Variants in GABRG1 observed in about 807,000 individuals in gnomAD.
The protein encoded by GABRG1 is gamma-aminobutyric acid type A receptor subunit gamma1.
A neutral mutation model predicts 49.8 loss-of-function variants in GABRG1; 49 were observed. The ratio of observed to expected loss-of-function variants is 0.98; its 90% CI spans 0.78 to 1.25. The LOEUF (loss-of-function observed/expected upper bound fraction) is 1.25. GABRG1 is among the 50% of genes most tolerant of loss of function. The probability of loss-of-function intolerance (pLI) is 0.00; values close to 1 mark genes in which losing one functional copy is unlikely to be tolerated. For missense variants in GABRG1, 552 were observed against 552.3 expected (o/e 1.00, Z 0.01); for synonymous variants, 232 against 185.1 (o/e 1.25, Z -2.06).
At chr4:46,097,456 C>A in intron 1 of GABRG1, 107 bp from the exon 2 acceptor site, 4 of 1,075,298 alleles carry the variant, frequency 3.7e-6, no homozygotes, top group Admixed American at 5.5e-5. Context: ...TAATGGCAGA[C>A]AAAAAGGTAT....
rs1717742827 is a variant in GABRG1 at position 46,040,851 on chromosome 4, TAA to T, written c.*135_*136del. The T allele has an allele frequency of 1.1e-6, 1 of 934,112 alleles. No homozygotes were observed. Among genetic ancestry groups the T allele is most frequent in the Non-Finnish European group, 1.6e-6 (1 of 633,568 alleles). 57.9% of individuals were successfully genotyped at this position (934,112 alleles called of 1,614,324 possible). A position where few individuals can be genotyped will look rare whatever the true frequency, so the allele number is the denominator to read the frequency against. On this transcript the variant is annotated 3_prime_UTR_variant, in exon 9 of 9. Transcript: ENST00000295452. ...CTACTTTATTTACTTCTGAAGGCCT[TAA>T]AATAGTTACAATACTATTCACATTT...
chr4:46,096,699 G>A (rs982910731), intron 2 of GABRG1, among the ~76,000 whole-genome samples: 2 of 151,064 alleles, frequency 1.3e-5, no homozygotes, highest in African/African-American at 2.4e-5. Context: ...ACCAAAAAAA[G>A]TGTCCTTAAA....
At chr4:46,115,453 A>AT (rs1238032631) in intron 1 of GABRG1, among the ~76,000 whole-genome samples, 5 of 150,684 alleles carry the variant, frequency 3.3e-5, no homozygotes, top group African/African-American at 1.2e-4. Context: ...AGGGAAAATC[A>AT]TTTTTTTCTT....
rs138726186 is a variant in GABRG1, at chr4:46,064,754, C to T, written c.543-231G>A. Among the ~76,000 whole-genome samples the T allele has an allele frequency of 6.3e-3, 963 of 152,170 alleles. 13 individuals carry two copies. The highest frequency in any genetic ancestry group is 0.022 in the African/African-American group (897 of 41,544). On this transcript the variant is annotated intron_variant, in intron 4 of 8. Coordinates refer to ENST00000295452, the MANE Select transcript of GABRG1 (RefSeq NM_173536.4). ...CAGTCAACTAGGTTACCTCTGTATA[C>T]ATTTCAATATGATCTCTGTGTTTAC... is the stretch of plus-strand genomic sequence containing the variant.
Position 46,036,574 on chromosome 4 carries a change from C to T in GABRG1, c.*4414G>A, listed in dbSNP as rs1717534522. ...GTATCTACTACAGGATCCCTTCCAC[C>T]CAACACACCATGTCTCTCAGTTATG... On this transcript the variant is annotated 3_prime_UTR_variant, in exon 9 of 9. Coordinates refer to ENST00000295452, the MANE Select transcript of GABRG1 (RefSeq NM_173536.4). The T allele has an allele frequency of 6.6e-6, 1 of 151,838 alleles. No homozygotes were observed. Among genetic ancestry groups the T allele is most frequent in the Admixed American group, 6.6e-5 (1 of 15,196 alleles). The allele number at this position is 151,838 out of a possible 1,614,324, so 9.4% of individuals were successfully genotyped here. A position where few individuals can be genotyped will look rare whatever the true frequency, so the allele number is the denominator to read the frequency against.
At chr4:46,059,511 C>T (rs1044069330) in intron 5 of GABRG1, among the ~76,000 whole-genome samples, 2 of 152,002 alleles carry the variant, frequency 1.3e-5, no homozygotes, top group East Asian at 1.9e-4. Flanking sequence ...CCTCAGCCTC[C>T]CAAGTAGCTG....
In GABRG1 at chr4:46,051,509, A is replaced by T. The variant is rs763579447; in HGVS notation, c.1046T>A (p.Met349Lys). Residue 349 changes from methionine (M) to lysine (K), a missense_variant, in exon 8 of 9, where the codon ATG becomes AAG. Physicochemically the swap from Met to Lys is moderately conservative, Grantham distance 95. Coordinates refer to ENST00000295452, the MANE Select transcript of GABRG1 (RefSeq NM_173536.4). ...AAAATAATGCAAGGTTCCATATTCC[A>T]TCAAGGCTGCAAAAACAAAAATGAA... is the stretch of plus-strand genomic sequence containing the variant. ...VCFIFVFAAL[M>K]EYGTLHYFTS... is the part of the protein sequence containing the mutation. The T allele has an allele frequency of 2.5e-6, 4 of 1,611,546 alleles. No individual in the cohort carries two copies. Among genetic ancestry groups the T allele is most frequent in the Non-Finnish European group, 3.4e-6 (4 of 1,178,510 alleles).
Position 46,065,388 on chromosome 4 carries a change from T to G in GABRG1, c.518A>C (p.Asp173Ala). The G allele has an allele frequency of 6.2e-7, 1 of 1,609,710 alleles. No homozygotes were observed. The highest frequency in any genetic ancestry group is 8.5e-7 in the Non-Finnish European group (1 of 1,176,226). Residue 173 changes from aspartate to alanine, a missense_variant, in exon 4 of 9, where the codon GAT becomes GCT. Asp to Ala is a moderately radical substitution (Grantham distance 126). Transcript: ENST00000295452. ...TPNRLLRIWN[D>A]GRVLYTLRLT... Reference sequence around the variant, plus strand: ...CCTTAGAGTATACAGAACTCGTCCATCATTCCAAATTCGAAGCAGACGATT... The same window carrying G: ...CCTTAGAGTATACAGAACTCGTCCAGCATTCCAAATTCGAAGCAGACGATT...
intron 1 of GABRG1, among the ~76,000 whole-genome samples, chr4:46,120,197 G>A (rs1371011364): frequency 6.6e-6 from 1 of 151,624 alleles, no homozygotes; most frequent in Non-Finnish European, 1.5e-5. Context: ...TTACTCTCTT[G>A]AAGCTCATTC....
chr4:46,065,643 C>A (rs78579728), intron 3 of GABRG1, 59 bp from the exon 4 acceptor site: 1 of 811,118 alleles, frequency 1.2e-6, no homozygotes. Context: ...TTGTTTTTCT[C>A]GAAAGTTTGA....
intron 1 of GABRG1, among the ~76,000 whole-genome samples, chr4:46,119,382 G>A (rs1002262891): frequency 6.6e-6 from 1 of 151,416 alleles, no homozygotes; most frequent in Non-Finnish European, 1.5e-5. Context: ...AGTTAAAAAT[G>A]CAGGCAGGGG....
At chr4:46,077,798 C>T (rs1719414114) in intron 3 of GABRG1, among the ~76,000 whole-genome samples, 1 of 151,092 alleles carries the variant, frequency 6.6e-6, no homozygotes, top group African/African-American at 2.4e-5. Flanking sequence ...ACAAATAAAA[C>T]AATGAAATAT....
chr4:46,071,727 T>TA (rs942206531), intron 3 of GABRG1, among the ~76,000 whole-genome samples: 111 of 146,910 alleles, frequency 7.6e-4, no homozygotes, highest in South Asian at 1.7e-3. Context: ...TTGAAAAAGC[T>TA]AAAAAAAAAA....
At position 46,123,856 on chromosome 4, in the gene GABRG1, C is replaced by T. The variant is rs1379043755; in HGVS notation, c.58G>A (p.Gly20Arg). 1.2e-6 allele frequency: 2 copies of T among 1,613,604 alleles called. No individual in the cohort carries two copies. The highest frequency in any genetic ancestry group is 2.2e-5 in the East Asian group (1 of 44,852). The change falls in exon 1 of 9, where the codon GGG becomes AGG. Residue 20 changes from glycine (G) to arginine (R), a missense_variant. Physicochemically the swap from Gly to Arg is moderately radical, Grantham distance 125. Transcript: ENST00000295452. Reference protein sequence around the residue: ...SPFLLRSQSRGVRLVFLLLTL... With the variant: ...SPFLLRSQSRRVRLVFLLLTL... ...AGTAACAAGAAGACCAACCTCACCC[C>T]TCTACTTTGACTCCGCAGAAGAAAA...
Position 46,051,506 on chromosome 4 carries a change from T to C in GABRG1, c.1049A>G (p.Glu350Gly). ...GGTAAAATAATGCAAGGTTCCATAT[T>C]CCATCAAGGCTGCAAAAACAAAAAT... ...CFIFVFAALM[E>G]YGTLHYFTSN... The change falls in exon 8 of 9, where the codon GAA (glutamate) becomes GGA (glycine). Residue 350 changes from glutamate (E) to glycine (G), a missense_variant. Glu to Gly is a moderately conservative substitution (Grantham distance 98, BLOSUM62 -2). Transcript: ENST00000295452. The C allele has an allele frequency of 6.2e-7, 1 of 1,611,464 alleles. No individual in the cohort carries two copies. The highest frequency in any genetic ancestry group is 8.5e-7 in the Non-Finnish European group (1 of 1,178,478).
rs1451846788 is a variant in GABRG1, at chr4:46,039,071, C to T, written c.*1917G>A. The T allele has an allele frequency of 6.6e-6, 1 of 151,368 alleles. No individual in the cohort carries two copies. The highest frequency in any genetic ancestry group is 2.4e-5 in the African/African-American group (1 of 41,280). The allele number at this position is 151,368 out of a possible 1,614,324, so 9.4% of individuals were successfully genotyped here. On this transcript the variant is annotated 3_prime_UTR_variant, in exon 9 of 9. Transcript: ENST00000295452. Reference sequence around the variant, plus strand: ...GCTATAGCTTCAAACATGAAAATAGCCATACAATATTTTAGTAAAGTATTT... The same window carrying T: ...GCTATAGCTTCAAACATGAAAATAGTCATACAATATTTTAGTAAAGTATTT...
intron 3 of GABRG1, among the ~76,000 whole-genome samples, chr4:46,083,656 T>C (rs1719652310): frequency 6.6e-6 from 1 of 151,590 alleles, no homozygotes. Flanking sequence ...AAGTCTTTTT[T>C]TTCTCTGATT....
chr4:46,108,567 A>G (rs1442126445), intron 1 of GABRG1, among the ~76,000 whole-genome samples: 2 of 150,742 alleles, frequency 1.3e-5, no homozygotes, highest in Non-Finnish European at 1.5e-5. Flanking sequence ...AATCCTTACC[A>G]CTATCCACGA....
At chr4:46,065,658 T>C in intron 3 of GABRG1, 74 bp from the exon 4 acceptor site, 1 of 733,302 alleles carries the variant, frequency 1.4e-6, no homozygotes, top group Middle Eastern at 3.9e-4. Context: ...GTTTGAATTT[T>C]TGTATTGTAA....
Sources: gnomAD v4.1 joint callset for allele counts (sites outside exome capture counted in the v4.1 genomes callset) on GRCh38, gnomAD v4.1.1 for gene constraint, MANE v1.5 for transcripts, NCBI Gene and HGNC (gene_info 2026-07-23, HGNC 2026-07-21) for gene names.